The following RBPJ variants were observed in gnomAD, a reference collection of about 807,000 sequenced individuals.
The protein encoded by RBPJ is recombination signal binding protein for immunoglobulin kappa J region, also known as recombining binding protein suppressor of hairless.
In RBPJ, 9 loss-of-function variants were observed where a neutral mutation model predicts 67.8. The observed-to-expected ratio is 0.13, with a 90% CI of 0.08 to 0.23. The LOEUF (loss-of-function observed/expected upper bound fraction) is 0.23, where lower values mean the gene tolerates loss of function less well. RBPJ is among the 10% of genes least tolerant of loss of function. RBPJ has a pLI of 1.00. For missense variants in RBPJ, 305 were observed against 595.6 expected, an observed-to-expected ratio of 0.51 and a Z score of 5.08; for synonymous variants, 198 against 203.3, an observed-to-expected ratio of 0.97 and a Z score of 0.22.
intron 1 of RBPJ, among the ~76,000 whole-genome samples, chr4:26,373,387 T>A (rs1425215110): frequency 1.3e-5 from 2 of 152,248 alleles, no homozygotes; most frequent in Non-Finnish European, 2.9e-5. Flanking sequence ...ACTGATGGTC[T>A]TTCCTTTGTG....
intron 1 of RBPJ, among the ~76,000 whole-genome samples, chr4:26,213,156 A>G (rs1323291727): frequency 6.6e-6 from 1 of 152,206 alleles, no homozygotes; most frequent in Non-Finnish European, 1.5e-5. Flanking sequence ...GGTCATGAGA[A>G]CCCCAACTTG....
At chr4:26,377,437 C>T (rs935352621) in intron 1 of RBPJ, among the ~76,000 whole-genome samples, 5 of 152,166 alleles carry the variant, frequency 3.3e-5, no homozygotes, top group African/African-American at 1.2e-4. Context: ...AAAGATTTAT[C>T]TTACTTTTTC....
Position 26,264,501 on chromosome 4 carries a change from A to C in RBPJ, c.-166-97945A>C, listed in dbSNP as rs1018046062. ...TTTCTTTAAAATGGAGTTTCTTTCA[A>C]ATTCTTCAATGGTCCTTTGTTGCCC... On this transcript the variant is annotated intron_variant, in intron 1 of 4. Coordinates refer to the RBPJ transcript ENST00000512351. The surrounding 1 kb of genome is among the most constrained non-coding windows in gnomAD (Gnocchi z 4.1). Among the ~76,000 whole-genome samples, 1 of 151,884 alleles carries C rather than the reference A, an allele frequency of 6.6e-6. No homozygotes were observed. Among genetic ancestry groups the C allele is most frequent in the Non-Finnish European group, 1.5e-5 (1 of 67,978 alleles).
At chr4:26,278,008 C>T (rs1721140124) in intron 1 of RBPJ, among the ~76,000 whole-genome samples, 1 of 152,112 alleles carries the variant, frequency 6.6e-6, no homozygotes, top group Non-Finnish European at 1.5e-5. Flanking sequence ...TCTAAGCTAG[C>T]TCCTTTGCTG....
intron 1 of RBPJ, among the ~76,000 whole-genome samples, chr4:26,373,562 T>C (rs1034505414): frequency 6.6e-6 from 1 of 152,238 alleles, no homozygotes; most frequent in African/African-American, 2.4e-5. Context: ...GGACTGGTAC[T>C]GTGTCTGTGT....
chr4:26,232,125 A>G (rs922457238), intron 1 of RBPJ, among the ~76,000 whole-genome samples: 3 of 151,834 alleles, frequency 2.0e-5, no homozygotes, highest in Non-Finnish European at 4.4e-5. Flanking sequence ...CAAACTTCTG[A>G]TCTCAAATGA....
At chr4:26,117,866 TAATAA>T in the RBPJ span, among the ~76,000 whole-genome samples, 959 of 152,134 alleles carry the variant, frequency 6.3e-3, 11 homozygotes, top group African/African-American at 0.022. Flanking sequence ...GCTTATGATA[TAATAA>T]AATAAAATAT....
chr4:26,271,900 C>T (rs192478630), intron 1 of RBPJ, among the ~76,000 whole-genome samples: 2 of 152,314 alleles, frequency 1.3e-5, no homozygotes, highest in Admixed American at 6.5e-5. Flanking sequence ...TACAGAGACA[C>T]GTGCGTGCTT....
the RBPJ span, among the ~76,000 whole-genome samples, chr4:26,139,278 G>T: frequency 6.6e-6 from 1 of 152,240 alleles, no homozygotes; most frequent in African/African-American, 2.4e-5. Flanking sequence ...ATAAGTTCAT[G>T]TTAAGTGCTT....
intron 1 of RBPJ, among the ~76,000 whole-genome samples, chr4:26,284,355 C>T (rs988330109): frequency 2.0e-5 from 3 of 152,230 alleles, no homozygotes; most frequent in East Asian, 1.9e-4. Context: ...CAACTTCATA[C>T]TTAGTGAAAA....
chr4:26,368,716 C>T (rs1316677309), intron 1 of RBPJ, among the ~76,000 whole-genome samples: 3 of 152,176 alleles, frequency 2.0e-5, no homozygotes, highest in Non-Finnish European at 4.4e-5. Context: ...GTGTTGGTGG[C>T]AGCAGCTAAG....
At chr4:26,209,098 A>AAAATATAT (rs1553848907) in intron 1 of RBPJ, among the ~76,000 whole-genome samples, 20 of 146,960 alleles carry the variant, frequency 1.4e-4, no homozygotes, top group African/African-American at 4.7e-4. Context: ...GAAGAAAAAA[A>AAAATATAT]ATATATATAT....
At chr4:26,216,783 G>A (rs979213938) in intron 1 of RBPJ, among the ~76,000 whole-genome samples, 2 of 152,072 alleles carry the variant, frequency 1.3e-5, no homozygotes, top group African/African-American at 4.8e-5. Flanking sequence ...AAATTAGCTG[G>A]GTGTGGTGGT....
intron 1 of RBPJ, among the ~76,000 whole-genome samples, chr4:26,273,256 C>T (rs1720970171): frequency 6.6e-6 from 1 of 152,186 alleles, no homozygotes; most frequent in Non-Finnish European, 1.5e-5. Flanking sequence ...TTGGGTAAAA[C>T]TTCCTGAGCT....
intron 1 of RBPJ, among the ~76,000 whole-genome samples, chr4:26,323,880 A>T (rs2109332504): frequency 6.6e-6 from 1 of 152,332 alleles, no homozygotes; most frequent in Admixed American, 6.5e-5. Flanking sequence ...GTTCATTTTT[A>T]GAAATAAGAC....
At chr4:26,358,078 C>T (rs932729838) in intron 1 of RBPJ, among the ~76,000 whole-genome samples, 1 of 147,826 alleles carries the variant, frequency 6.8e-6, no homozygotes, top group Admixed American at 6.8e-5. Flanking sequence ...AGTGAATTGC[C>T]TAGTTAATAA....
intron 3 of RBPJ, among the ~76,000 whole-genome samples, chr4:26,408,569 G>A (rs1418557706): frequency 2.0e-5 from 3 of 152,144 alleles, no homozygotes; most frequent in East Asian, 1.9e-4. Context: ...TAGTGAATCC[G>A]AGGTAGAAAC....
At chr4:26,175,854 C>G (rs567670662) in intron 1 of RBPJ, among the ~76,000 whole-genome samples, 18 of 152,328 alleles carry the variant, frequency 1.2e-4, no homozygotes, top group African/African-American at 4.3e-4. Context: ...TCTGAGCATC[C>G]TGACCTTCCC....
chr4:26,409,195 G>A (rs530171993), intron 3 of RBPJ, among the ~76,000 whole-genome samples: 5 of 152,302 alleles, frequency 3.3e-5, no homozygotes, highest in South Asian at 2.1e-4. Flanking sequence ...ACTGAGGCCC[G>A]TTGGAGATAA....
Sources: gnomAD v4.1 joint callset for allele counts (sites outside exome capture counted in the v4.1 genomes callset) on GRCh38, gnomAD v4.1.1 for gene constraint, Gnocchi (gnomAD v3.1) non-coding constraint, MANE v1.5 for transcripts, NCBI Gene and HGNC (gene_info 2026-07-23, HGNC 2026-07-21) for gene names.